The following MSH4 variants were observed in gnomAD, a reference collection of about 807,000 sequenced individuals.
The protein encoded by MSH4 is mutS homolog 4, also known as mutS protein homolog 4.
In MSH4, 106 loss-of-function variants were observed where a neutral mutation model predicts 113.7. The observed-to-expected ratio is 0.93, with a 90% confidence interval of 0.80 to 1.10. The LOEUF (loss-of-function observed/expected upper bound fraction) is 1.10. MSH4 is among the 50% of genes least tolerant of loss of function. The pLI is 0.00. For synonymous variants in MSH4, 368 were observed against 380.2 expected (o/e 0.97, Z 0.37); for missense variants, 1,061 against 1,093.7 (o/e 0.97, Z 0.42).
At chr1:75,810,177 C>A (rs1234066869) in intron 3 of MSH4, among the ~76,000 whole-genome samples, 1 of 151,434 alleles carries the variant, frequency 6.6e-6, no homozygotes, top group Non-Finnish European at 1.5e-5. Flanking sequence ...GTTCAATATA[C>A]TACCATTAGA....
intron 7 of MSH4, among the ~76,000 whole-genome samples, chr1:75,831,576 A>G (rs141278151): frequency 0.04 from 6,094 of 152,272 alleles, 162 homozygotes; most frequent in Non-Finnish European, 0.063. Context: ...ACAAATTATA[A>G]CAAACTGTCT....
chr1:75,798,657 AG>A (rs1163928204), intron 1 of MSH4, among the ~76,000 whole-genome samples: 3 of 151,528 alleles, frequency 2.0e-5, no homozygotes, highest in Non-Finnish European at 4.4e-5. Flanking sequence ...CCTGGGCTCA[AG>A]CGATCCTCCC....
chr1:75,892,900 A>G (rs567219589), intron 17 of MSH4, among the ~76,000 whole-genome samples: 4 of 152,262 alleles, frequency 2.6e-5, no homozygotes, highest in Admixed American at 6.5e-5. Context: ...CTCAACTTAG[A>G]TGGGAAAAAA....
intron 9 of MSH4, among the ~76,000 whole-genome samples, chr1:75,869,347 G>T (rs1377592690): frequency 2.0e-5 from 3 of 152,138 alleles, no homozygotes; most frequent in Non-Finnish European, 4.4e-5. Context: ...GCAGCCTGAG[G>T]ATACAGTAGA....
intron 7 of MSH4, among the ~76,000 whole-genome samples, chr1:75,838,787 C>G (rs1439767714): frequency 6.6e-6 from 1 of 152,158 alleles, no homozygotes; most frequent in Non-Finnish European, 1.5e-5. Flanking sequence ...CCCTGCAACC[C>G]CTTCTCCCAG....
Position 75,813,138 on chromosome 1 carries a change from A to T in MSH4, c.700-1883A>T, listed in dbSNP as rs77131258. On this transcript the variant is annotated intron_variant, in intron 4 of 19. Coordinates refer to ENST00000263187, the MANE Select transcript of MSH4 (RefSeq NM_002440.4). ...AGCTTAGCTAACCCAGAGGGAAAAT[A>T]ATTTCTTTATTCCAGTGTCCATGTA... Among the ~76,000 whole-genome samples, 946 of 152,256 alleles carry T rather than the reference A, an allele frequency of 6.2e-3. 9 individuals carry two copies. Among genetic ancestry groups the T allele is most frequent in the African/African-American group, 0.022 (897 of 41,560 alleles).
intron 19 of MSH4, among the ~76,000 whole-genome samples, chr1:75,903,930 C>T (rs1652564166): frequency 6.6e-6 from 1 of 152,000 alleles, no homozygotes. Flanking sequence ...AAGTGGGTGT[C>T]CCTGTTTTGT....
chr1:75,887,886 T>C (rs1019381794), intron 15 of MSH4, among the ~76,000 whole-genome samples: 6 of 151,884 alleles, frequency 4.0e-5, no homozygotes, highest in Admixed American at 2.0e-4. Context: ...CAGCAAACAT[T>C]TATCATGAGA....
At chr1:75,907,985 T>C (rs1307575045) in intron 19 of MSH4, among the ~76,000 whole-genome samples, 3 of 149,552 alleles carry the variant, frequency 2.0e-5, no homozygotes, top group African/African-American at 4.9e-5. Flanking sequence ...GCTGGTATTA[T>C]AGGCATGAGC....
At chr1:75,801,709 A>C (rs1649940219) in intron 1 of MSH4, among the ~76,000 whole-genome samples, 1 of 151,688 alleles carries the variant, frequency 6.6e-6, no homozygotes, top group African/African-American at 2.4e-5. Flanking sequence ...CCCTGTCTCT[A>C]TAAAAAAAAA....
intron 9 of MSH4, among the ~76,000 whole-genome samples, chr1:75,873,454 T>C (rs571234065): frequency 9.2e-5 from 14 of 152,250 alleles, no homozygotes; most frequent in Middle Eastern, 3.4e-3. Context: ...GCATGTTTGT[T>C]ATGTGGGTAA....
intron 4 of MSH4, among the ~76,000 whole-genome samples, chr1:75,814,614 A>C (rs926333362): frequency 6.6e-6 from 1 of 152,232 alleles, no homozygotes; most frequent in East Asian, 1.9e-4. Context: ...GACTATGGAA[A>C]GATGAATATA....
At chr1:75,807,638 T>A (rs371758067) in intron 3 of MSH4, among the ~76,000 whole-genome samples, 1 of 152,230 alleles carries the variant, frequency 6.6e-6, no homozygotes, top group Non-Finnish European at 1.5e-5. Flanking sequence ...ACTACTACCT[T>A]ATTATTTTAT....
intron 9 of MSH4, among the ~76,000 whole-genome samples, chr1:75,870,659 C>G (rs1333695638): frequency 6.6e-6 from 1 of 152,152 alleles, no homozygotes; most frequent in African/African-American, 2.4e-5. Flanking sequence ...CATGACTTTG[C>G]TCCTTATTCA....
At chr1:75,903,499 T>G (rs1286505223) in intron 19 of MSH4, among the ~76,000 whole-genome samples, 1 of 152,092 alleles carries the variant, frequency 6.6e-6, no homozygotes, top group Non-Finnish European at 1.5e-5. Flanking sequence ...CAGGGTTGCT[T>G]TGACTATTTG....
intron 7 of MSH4, among the ~76,000 whole-genome samples, chr1:75,846,697 C>T (rs891039763): frequency 1.2e-4 from 19 of 152,160 alleles, no homozygotes; most frequent in African/African-American, 4.6e-4. Context: ...ACATTCCAGA[C>T]TTTCCTTACA....
chr1:75,822,320 A>G, intron 6 of MSH4, 89 bp from the exon 7 acceptor site: 1 of 688,532 alleles, frequency 1.5e-6, no homozygotes, highest in Non-Finnish European at 2.4e-6. Context: ...TCATTGCTGT[A>G]GATTATAGGA....
In MSH4 at chr1:75,913,085, A is replaced by G. The variant is rs559693771; in HGVS notation, c.*198A>G. The G allele has an allele frequency of 9.0e-5, 26 of 288,602 alleles. No homozygotes were observed. Among genetic ancestry groups the G allele is most frequent in the African/African-American group, 5.4e-4 (25 of 45,946 alleles). The allele number at this position is 288,602 out of a possible 1,614,324, so 17.9% of individuals were successfully genotyped here. On this transcript the variant is annotated 3_prime_UTR_variant, in exon 20 of 20. Transcript: ENST00000263187. ...TTAACAAATGAGAACTACTTAAAGG[A>G]ATGGTTTTTATGTTAGGAGAAAATA...
chr1:75,828,812 T>A (rs1461232323), intron 7 of MSH4, among the ~76,000 whole-genome samples: 3 of 152,014 alleles, frequency 2.0e-5, no homozygotes, highest in African/African-American at 2.4e-5. Flanking sequence ...TAATTTTTTT[T>A]AAAAAGGAAA....
Sources: gnomAD v4.1 joint callset for allele counts (sites outside exome capture counted in the v4.1 genomes callset) on GRCh38, gnomAD v4.1.1 for gene constraint, MANE v1.5 for transcripts, NCBI Gene and HGNC (gene_info 2026-07-23, HGNC 2026-07-21) for gene names.